The following UNC80 variants were observed in gnomAD, a reference collection of about 807,000 sequenced individuals.
The protein encoded by UNC80 is unc-80 subunit of NALCN channel complex, also known as protein unc-80 homolog.
Under a neutral mutation model 384.6 loss-of-function variants are expected in UNC80, and 164 were observed. That is an observed-to-expected ratio of 0.43 (90% CI 0.38 to 0.49). The LOEUF is 0.49. Among genes scored for constraint, UNC80 ranks in the 20% least tolerant of loss-of-function variants. UNC80 has a pLI of 0.00. For missense variants in UNC80, 3,330 were observed against 4,143.0 expected (o/e 0.80, Z 5.39); for synonymous variants, 1,486 against 1,527.8 (o/e 0.97, Z 0.64).
At chr2:209,844,457 TTC>T (rs2081999525) in intron 21 of UNC80, among the ~76,000 whole-genome samples, 1 of 46,008 alleles carries the variant, frequency 2.2e-5, no homozygotes, top group Non-Finnish European at 6.1e-5. Context: ...TTTCTTTTCT[TTC>T]TTTCTTTCTT....
In UNC80 at chr2:209,817,003, T is replaced by G; in HGVS notation, c.1430T>G (p.Leu477Arg). The G allele has an allele frequency of 6.4e-7, 1 of 1,551,748 alleles. No individual in the cohort carries two copies. Residue 477 changes from leucine (L) to arginine (R), a missense_variant, in exon 10 of 65, where the codon CTG becomes CGG. Coordinates refer to ENST00000673920, the MANE Select transcript of UNC80 (RefSeq NM_001371986.1). ...RRPRRMGVPFLLHEDHLDVSP... is the reference protein window; with the variant it reads ...RRPRRMGVPFRLHEDHLDVSP... ...CCACGGAGAATGGGAGTGCCCTTCC[T>G]GCTTCACGAGGACCACCTGGATGTG...
chr2:209,852,027 G>A (rs564251126), intron 22 of UNC80, among the ~76,000 whole-genome samples: 75 of 152,148 alleles, frequency 4.9e-4, no homozygotes, highest in African/African-American at 1.6e-3. Context: ...ATGAAGGAGC[G>A]CTGGAGCTTA....
Position 209,990,438 on chromosome 2 carries a change from A to G in UNC80, c.9315-1728A>G, listed in dbSNP as rs951059057. On this transcript the variant is annotated intron_variant, in intron 61 of 64. Transcript: ENST00000673920. ...GTACATCAACTAACTTCTTTTCTCT[A>G]CCTTAATGGGAGGTAGTTGGTAAGT... Among the ~76,000 whole-genome samples the G allele has an allele frequency of 1.3e-5, 2 of 152,154 alleles. 1 individual carries two copies. Among genetic ancestry groups the G allele is most frequent in the Non-Finnish European group, 2.9e-5 (2 of 68,012 alleles).
chr2:209,808,767 T>TTCTGCGCTACTCAGCGACCTCATTGCC (rs2079105641), intron 7 of UNC80: 12 of 59,224 alleles, frequency 2.0e-4, no homozygotes, highest in South Asian at 5.1e-4. Flanking sequence ...CCTGCGCTAC[T>TTCTGCGCTACTCAGCGACCTCATTGCC]TCTGCGCTAC....
chr2:209,851,584 A>C (rs957465517), intron 22 of UNC80, among the ~76,000 whole-genome samples: 6 of 152,116 alleles, frequency 3.9e-5, no homozygotes, highest in African/African-American at 1.2e-4. Flanking sequence ...TAGTGATAAC[A>C]CAACAAAACT....
intron 35 of UNC80, among the ~76,000 whole-genome samples, chr2:209,925,795 A>G (rs1470457879): frequency 6.6e-6 from 1 of 152,132 alleles, no homozygotes; most frequent in East Asian, 1.9e-4. Context: ...TCCACATCCA[A>G]CCCAGAAGAT....
chr2:209,928,285 G>A (rs1312673063), intron 36 of UNC80, among the ~76,000 whole-genome samples: 6 of 152,078 alleles, frequency 3.9e-5, no homozygotes, highest in Non-Finnish European at 7.4e-5. Context: ...GCAGTGAGCC[G>A]AAACCGCACC....
At chr2:209,887,493 C>T (rs1019352614) in intron 25 of UNC80, among the ~76,000 whole-genome samples, 2 of 152,184 alleles carry the variant, frequency 1.3e-5, no homozygotes, top group Non-Finnish European at 2.9e-5. Flanking sequence ...TCTTAAGGTC[C>T]TTAGCCTTAA....
rs74946524 is a variant in UNC80 at position 209,911,462 on chromosome 2, G to C, written c.4783-1098G>C. On this transcript the variant is annotated intron_variant, in intron 29 of 64. Coordinates refer to ENST00000673920, the MANE Select transcript of UNC80 (RefSeq NM_001371986.1). ...GCCCTGATTCACTTGTTTTGAAGTA[G>C]GTTCATTTTAAAAGTTGGTTCTATA... Among the ~76,000 whole-genome samples, 66 of 152,184 alleles carry C rather than the reference G, an allele frequency of 4.3e-4. 2 individuals are homozygous for C. The East Asian group carries it at 0.012, about 28-fold the overall frequency.
intron 48 of UNC80, among the ~76,000 whole-genome samples, chr2:209,957,410 C>A (rs1389141009): frequency 6.6e-6 from 1 of 152,040 alleles, no homozygotes; most frequent in Non-Finnish European, 1.5e-5. Flanking sequence ...TTACTCAGAA[C>A]AAAGAAGTGG....
chr2:209,840,540 A>G lies in UNC80; in HGVS notation c.3251-2A>G. ...GATCTAAGTGATTTAACTATTAAAT[A>G]GGGAACTGGCTGAAGAGATCATCCC... On this transcript the variant is annotated splice_acceptor_variant, in intron 19 of 64. Coordinates refer to ENST00000673920, the MANE Select transcript of UNC80 (RefSeq NM_001371986.1). LOFTEE classifies it high-confidence loss of function. 1.9e-6 allele frequency: 3 copies of G among 1,551,130 alleles called. 1 individual carries two copies. The highest frequency in any genetic ancestry group is 2.6e-6 in the Non-Finnish European group (3 of 1,146,434).
intron 60 of UNC80, 96 bp downstream of exon 60, chr2:209,982,413 G>C: frequency 7.3e-7 from 1 of 1,361,400 alleles, no homozygotes; most frequent in Non-Finnish European, 9.6e-7. Flanking sequence ...AGAAAGAGAA[G>C]CAAGCAATGG....
chr2:209,814,302 C>T (rs142950931), intron 8 of UNC80, among the ~76,000 whole-genome samples: 1,829 of 151,936 alleles, frequency 0.012, 41 homozygotes, highest in African/African-American at 0.04. Context: ...GTGGCACGAT[C>T]TTGGCTCACT....
At chr2:209,995,211 G>A in intron 64 of UNC80, 118 bp from the exon 65 acceptor site, 1 of 1,341,210 alleles carries the variant, frequency 7.5e-7, no homozygotes, top group Non-Finnish European at 1.0e-6. Flanking sequence ...ACAAAGGCTG[G>A]AACTGGGACT....
Position 209,998,464 on chromosome 2 carries a change from C to A in UNC80, c.*2869C>A, listed in dbSNP as rs114457275. The A allele has an allele frequency of 0.014, 2,083 of 152,432 alleles. 44 individuals carry two copies. Among genetic ancestry groups the A allele is most frequent in the African/African-American group, 0.043 (1,804 of 41,576 alleles). The allele number at this position is 152,432 out of a possible 1,614,324, so 9.4% of individuals were successfully genotyped here. A position where few individuals can be genotyped will look rare whatever the true frequency, so the allele number is the denominator to read the frequency against. ...GGCATGGCAGTGCTGGTGGAAAAAT[C>A]TGTGGTACTGGTGATCTGGTTAGGG... On this transcript the variant is annotated 3_prime_UTR_variant, in exon 65 of 65. Transcript: ENST00000673920.
intron 42 of UNC80, among the ~76,000 whole-genome samples, chr2:209,938,710 C>CTCTCTGTGTGTGTGTG (rs1491352008): frequency 5.9e-4 from 49 of 83,506 alleles, no homozygotes; most frequent in African/African-American, 1.8e-3. Context: ...CTCTCTCTCT[C>CTCTCTGTGTGTGTGTG]TGTGTGTGTG....
At chr2:209,914,942 C>G (rs1487368474) in intron 31 of UNC80, among the ~76,000 whole-genome samples, 1 of 151,998 alleles carries the variant, frequency 6.6e-6, no homozygotes, top group Non-Finnish European at 1.5e-5. Context: ...GCCTTTTGCT[C>G]TTTTATACCA....
At chr2:209,981,597 C>CCAAAA (rs2093159135) in intron 59 of UNC80, among the ~76,000 whole-genome samples, 1 of 149,954 alleles carries the variant, frequency 6.7e-6, no homozygotes, top group Non-Finnish European at 1.5e-5. Flanking sequence ...AACAAACAAA[C>CCAAAA]CAAAACAAAA....
chr2:209,807,113 C>T (rs4673488), intron 7 of UNC80, among the ~76,000 whole-genome samples: 150,555 of 152,326 alleles, frequency 0.99, 74,425 homozygotes, highest in South Asian at 1. Context: ...AAAATGTAAA[C>T]ACATACAATA....
Sources: allele counts gnomAD v4.1 joint callset (sites outside exome capture counted in the v4.1 genomes callset), GRCh38; gene constraint gnomAD v4.1.1; transcripts MANE v1.5; gene names NCBI Gene and HGNC (gene_info 2026-07-23, HGNC 2026-07-21).